SYTL2: variants seen among roughly 807,000 people sequenced by gnomAD.
SYTL2 encodes the protein synaptotagmin-like protein 2.
In SYTL2, 165 loss-of-function variants were observed where a neutral mutation model predicts 198.7. The ratio of observed to expected loss-of-function variants is 0.83; its 90% CI spans 0.73 to 0.94. The LOEUF is 0.94. SYTL2 is among the 40% of genes least tolerant of loss of function. The probability of loss-of-function intolerance (pLI) is 0.00; values close to 1 mark genes in which losing one functional copy is unlikely to be tolerated. For missense variants in SYTL2, 2,835 were observed against 2,582.8 expected (o/e 1.10, Z -2.12); for synonymous variants, 966 against 917.7 (o/e 1.05, Z -0.95).
At chr11:85,777,421 T>G (rs1278881354) in intron 1 of SYTL2, among the ~76,000 whole-genome samples, 1 of 152,182 alleles carries the variant, frequency 6.6e-6, no homozygotes, top group Non-Finnish European at 1.5e-5. Flanking sequence ...ATCACATGCC[T>G]GTACAGCAAG....
chr11:85,753,071 G>A lies in SYTL2; in HGVS notation c.101+4554C>T, dbSNP rs1326801679. Among the ~76,000 whole-genome samples, 6 of 151,786 alleles carry A rather than the reference G, an allele frequency of 4.0e-5. No homozygotes were observed. The East Asian group carries it at 1.2e-3, about 29-fold the overall frequency. ...TTGTGTGTATATGGGGGTGGGGGAT[G>A]CAGTGCTGGTGGTGGTGTACAGACA... On this transcript the variant is annotated intron_variant, in intron 2 of 19. Coordinates refer to ENST00000359152, the MANE Select transcript of SYTL2 (RefSeq NM_206927.4).
intron 13 of SYTL2, 92 bp from the exon 14 acceptor site, chr11:85,709,592 C>A: frequency 1.6e-6 from 2 of 1,218,312 alleles, no homozygotes; most frequent in Non-Finnish European, 2.3e-6. Flanking sequence ...GGCATTATTT[C>A]TTTAGCTTGC....
chr11:85,731,581 A>G (rs2089834259), intron 7 of SYTL2, among the ~76,000 whole-genome samples: 1 of 152,138 alleles, frequency 6.6e-6, no homozygotes, highest in African/African-American at 2.4e-5. Flanking sequence ...ACAAAAATTA[A>G]CTCAACTAGA....
chr11:85,762,755 G>A (rs1047265100), intron 1 of SYTL2, among the ~76,000 whole-genome samples: 2 of 152,126 alleles, frequency 1.3e-5, no homozygotes, highest in African/African-American at 4.8e-5. Context: ...ACCCCTCCAA[G>A]CCAGCTTAGG....
intron 1 of SYTL2, among the ~76,000 whole-genome samples, chr11:85,795,788 T>G (rs1050649162): frequency 6.6e-6 from 1 of 152,106 alleles, no homozygotes; most frequent in African/African-American, 2.4e-5. Context: ...TCAGGTGAGC[T>G]GGCTCTGAAA....
At chr11:85,807,595 G>A (rs1460584082) in intron 1 of SYTL2, among the ~76,000 whole-genome samples, 1 of 151,136 alleles carries the variant, frequency 6.6e-6, no homozygotes, top group Non-Finnish European at 1.5e-5. Flanking sequence ...CAATGCTGGG[G>A]CAATGACTTT....
chr11:85,802,220 CTTTTT>C (rs5793172), intron 1 of SYTL2, among the ~76,000 whole-genome samples: 1 of 122,590 alleles, frequency 8.2e-6, no homozygotes. Flanking sequence ...TTTTTCTTTT[CTTTTT>C]TTTTTTTTTT....
chr11:85,769,528 CT>C (rs2092313097), intron 1 of SYTL2, among the ~76,000 whole-genome samples: 1 of 152,214 alleles, frequency 6.6e-6, no homozygotes, highest in Admixed American at 6.5e-5. Flanking sequence ...CCATTTCAGA[CT>C]TCTGACTTCT....
At chr11:85,719,217 A>G (rs749749930) in intron 9 of SYTL2, 39 of 1,215,754 alleles carry the variant, frequency 3.2e-5, no homozygotes, top group Non-Finnish European at 3.3e-5. Context: ...ACCCATGGTC[A>G]TTAACAAATA....
At chr11:85,823,311 T>C in the SYTL2 span, among the ~76,000 whole-genome samples, 6 of 152,242 alleles carry the variant, frequency 3.9e-5, no homozygotes, top group Admixed American at 6.5e-5. Flanking sequence ...AGTGTGCCAA[T>C]AGCCTTAAAT....
At chr11:85,785,519 T>C (rs2092622991) in intron 1 of SYTL2, among the ~76,000 whole-genome samples, 1 of 152,238 alleles carries the variant, frequency 6.6e-6, no homozygotes, top group Non-Finnish European at 1.5e-5. Flanking sequence ...CAGAAACTTC[T>C]TCCATTTCTG....
At chr11:85,781,987 C>T (rs1398333683) in intron 1 of SYTL2, among the ~76,000 whole-genome samples, 1 of 152,216 alleles carries the variant, frequency 6.6e-6, no homozygotes, top group Non-Finnish European at 1.5e-5. Flanking sequence ...GCCCTCTTCT[C>T]ACAGCTCCAC....
chr11:85,722,407 C>T (rs1342467211), intron 8 of SYTL2, among the ~76,000 whole-genome samples: 1 of 152,056 alleles, frequency 6.6e-6, no homozygotes, highest in Non-Finnish European at 1.5e-5. Context: ...ATATCCTCAC[C>T]TCATGATCTG....
chr11:85,765,637 T>G (rs1378127423), intron 1 of SYTL2, among the ~76,000 whole-genome samples: 1 of 152,178 alleles, frequency 6.6e-6, no homozygotes, highest in Non-Finnish European at 1.5e-5. Flanking sequence ...GGAAGCCATC[T>G]TTCTACTTCA....
intron 2 of SYTL2, among the ~76,000 whole-genome samples, chr11:85,757,264 T>A (rs2091918322): frequency 6.6e-6 from 1 of 152,224 alleles, no homozygotes; most frequent in Non-Finnish European, 1.5e-5. Flanking sequence ...CTAATTTGGT[T>A]CATGATTCAG....
At position 85,726,474 on chromosome 11, in the gene SYTL2, TAACTTTA is replaced by T. The variant is rs759120895; in HGVS notation, c.2877_2883del (p.Phe959LeufsTer4). 19 of 1,611,882 alleles carry T rather than the reference TAACTTTA, an allele frequency of 1.2e-5. No individual in the cohort carries two copies. The highest frequency in any genetic ancestry group is 1.6e-5 in the Non-Finnish European group (19 of 1,179,992). On this transcript the variant is annotated frameshift_variant, in exon 8 of 20. Coordinates refer to ENST00000359152, the MANE Select transcript of SYTL2 (RefSeq NM_206927.4). LOFTEE classifies it high-confidence loss of function. ...TCATCCATTCTTTCTTTTAGGGACA[TAACTTTA>T]AAGTTGGCATTTGATTCACGAACTA...
chr11:85,762,440 G>C (rs1227342994), intron 1 of SYTL2, among the ~76,000 whole-genome samples: 1 of 152,216 alleles, frequency 6.6e-6, no homozygotes, highest in Non-Finnish European at 1.5e-5. Flanking sequence ...ATGATGCTGA[G>C]TCATTTTTCT....
At chr11:85,701,313 A>G (rs1039239101) in intron 16 of SYTL2, among the ~76,000 whole-genome samples, 5 of 152,194 alleles carry the variant, frequency 3.3e-5, no homozygotes, top group Admixed American at 3.3e-4. Flanking sequence ...ACATAGCCTG[A>G]AGGTAATTTT....
At chr11:85,797,678 T>C (rs1379817494) in intron 1 of SYTL2, among the ~76,000 whole-genome samples, 2 of 151,776 alleles carry the variant, frequency 1.3e-5, no homozygotes, top group African/African-American at 4.8e-5. Context: ...GTCTTTATTA[T>C]TATTGTCCCT....
Sources: allele counts gnomAD v4.1 joint callset (sites outside exome capture counted in the v4.1 genomes callset), GRCh38; gene constraint gnomAD v4.1.1; transcripts MANE v1.5; gene names NCBI Gene and HGNC (gene_info 2026-07-23, HGNC 2026-07-21).